Variants in PSMD3 observed in about 807,000 individuals in gnomAD.
PSMD3 encodes 26S proteasome non-ATPase regulatory subunit 3.
PSMD3 carries 5 observed loss-of-function variants against 62.8 expected under a neutral mutation model. The observed-to-expected ratio is 0.08, with a 90% CI of 0.04 to 0.17. PSMD3 has a LOEUF of 0.17. PSMD3 is among the 10% of genes least tolerant of loss of function. The probability of loss-of-function intolerance (pLI) is 1.00; values close to 1 mark genes in which losing one functional copy is unlikely to be tolerated. For synonymous variants in PSMD3, 265 were observed against 283.9 expected, an observed-to-expected ratio of 0.93 and a Z score of 0.67; for missense variants, 524 against 713.6, an observed-to-expected ratio of 0.73 and a Z score of 3.03.
In PSMD3 at chr17:39,990,090, C is replaced by T. The variant is rs2067649961; in HGVS notation, c.878-4C>T. 6.2e-7 allele frequency: 1 copy of T among 1,613,914 alleles called. No homozygotes were observed. On this transcript the variant is annotated splice_region_variant and splice_polypyrimidine_tract_variant and intron_variant, in intron 5 of 11. Coordinates refer to ENST00000264639, the MANE Select transcript of PSMD3 (RefSeq NM_002809.4). ...TGACCAACTCTCCTCTCCTCCACTC[C>T]CAGGGCGAATCAAAGCCATCCAGCT...
chr17:39,989,589 C>A, intron 4 of PSMD3, 150 bp from the exon 5 acceptor site: 1 of 761,612 alleles, frequency 1.3e-6, no homozygotes, highest in Non-Finnish European at 2.1e-6. Flanking sequence ...TGCTGTACAC[C>A]TTAGGCACTC....
Position 39,981,202 on chromosome 17 carries a change from C to T in PSMD3, c.220+12C>T. The T allele has an allele frequency of 6.5e-7, 1 of 1,549,726 alleles. No homozygotes were observed. Among genetic ancestry groups the T allele is most frequent in the Non-Finnish European group, 8.7e-7 (1 of 1,146,616 alleles). On this transcript the variant is annotated intron_variant, in intron 1 of 11. Transcript: ENST00000264639. ...AGTCACCTTGGAGGGTACGGCAGCC[C>T]AGGCCGGGAACGTGCCGCGATCGCG...
chr17:39,984,248 G>T (rs1372160236), intron 1 of PSMD3, 46 bp from the exon 2 acceptor site: 1 of 1,389,328 alleles, frequency 7.2e-7, no homozygotes, highest in South Asian at 1.3e-5. Flanking sequence ...AGTGGTGGGG[G>T]ACTAGGAGTG....
In PSMD3 at chr17:39,995,264, T is replaced by C. The variant is rs775210346; in HGVS notation, c.1185T>C (p.Ile395=). The change falls in exon 8 of 12, where the codon ATT becomes ATC. Residue 395 remains isoleucine, a synonymous_variant. Transcript: ENST00000264639. The surrounding 1 kb of genome is among the most constrained non-coding windows in gnomAD (Gnocchi z 4.1). ...KFQADGTYTL[I]IRLRHNVIKT... ...AAGCAGATGGGACCTACACCCTAAT[T>C]ATCCGGCTGCGGCACAACGTGATTA... The C allele has an allele frequency of 1.2e-6, 2 of 1,614,136 alleles. No homozygotes were observed. Among genetic ancestry groups the C allele is most frequent in the Non-Finnish European group, 1.7e-6 (2 of 1,180,022 alleles).
rs766847219 is a variant in PSMD3, at chr17:39,981,138, G to A, written c.168G>A (p.Ala56=). The change falls in exon 1 of 12, where the codon GCG becomes GCA. Residue 56 remains alanine, a synonymous_variant. Coordinates refer to ENST00000264639, the MANE Select transcript of PSMD3 (RefSeq NM_002809.4). The part of the protein sequence containing the change: ...GSTGEADGKT[A]AAAAEHSQRE... The stretch of plus-strand genomic sequence containing the variant: ...CGGGGGAGGCAGACGGCAAGACGGC[G>A]GCGGCAGCGGCTGAGCACTCCCAGC... The A allele has an allele frequency of 1.3e-6, 2 of 1,550,556 alleles. No homozygotes were observed. The highest frequency in any genetic ancestry group is 2.4e-5 in the South Asian group (2 of 84,048).
chr17:39,981,661 C>T (rs1380772097), intron 1 of PSMD3, among the ~76,000 whole-genome samples: 1 of 152,178 alleles, frequency 6.6e-6, no homozygotes, highest in African/African-American at 2.4e-5. Flanking sequence ...GCCTTTAGCA[C>T]ACTCCCCCGA....
Position 39,981,166 on chromosome 17 carries a change from G to C in PSMD3, c.196G>C (p.Glu66Gln). 1 of 1,550,932 alleles carries C rather than the reference G, an allele frequency of 6.4e-7. No individual in the cohort carries two copies. The highest frequency in any genetic ancestry group is 8.7e-7 in the Non-Finnish European group (1 of 1,146,866). The change falls in exon 1 of 12, where the codon GAG (glutamate) becomes CAG (glutamine). Residue 66 changes from glutamate (E) to glutamine (Q), a missense_variant. Glu to Gln is a conservative substitution (Grantham distance 29). This residue lies in a region of PSMD3 where 396 missense variants were observed against 475.8 expected (regional missense o/e 0.83). Coordinates refer to ENST00000264639, the MANE Select transcript of PSMD3 (RefSeq NM_002809.4). ...AAAAAEHSQR[E>Q]LDTVTLEDIK... ...GGCAGCGGCTGAGCACTCCCAGCGAGAGCTGGACACAGTCACCTTGGAGGG... is the reference window on the plus strand; with the variant it reads ...GGCAGCGGCTGAGCACTCCCAGCGACAGCTGGACACAGTCACCTTGGAGGG...
chr17:39,997,188 C>T, intron 10 of PSMD3, 142 bp from the exon 11 acceptor site: 1 of 729,572 alleles, frequency 1.4e-6, no homozygotes, highest in East Asian at 2.5e-5. Flanking sequence ...TGATGCCTAG[C>T]CCCCCACTAG....
chr17:39,989,508 G>C (rs1382656889), intron 4 of PSMD3, among the ~76,000 whole-genome samples: 1 of 152,176 alleles, frequency 6.6e-6, no homozygotes, highest in Non-Finnish European at 1.5e-5. Context: ...TCTTTCTCAT[G>C]ACCATTGCCT....
chr17:39,992,427 T>C (rs946382471), intron 6 of PSMD3, among the ~76,000 whole-genome samples: 4 of 152,134 alleles, frequency 2.6e-5, no homozygotes, highest in African/African-American at 9.7e-5. Flanking sequence ...CAGAATCACC[T>C]GGGGCTCTGA....
At chr17:39,997,235 G>T (rs919296410) in intron 10 of PSMD3, 95 bp from the exon 11 acceptor site, 59 of 1,235,208 alleles carry the variant, frequency 4.8e-5, no homozygotes, top group Non-Finnish European at 6.5e-5. Flanking sequence ...CCTGCCTGGT[G>T]TCTAGCTCAC....
chr17:39,986,991 CAGAA>C (rs1980541560), intron 3 of PSMD3, among the ~76,000 whole-genome samples: 1 of 152,094 alleles, frequency 6.6e-6, no homozygotes, highest in South Asian at 2.1e-4. Flanking sequence ...CATTTGGAGA[CAGAA>C]AGACCTGGGT....
rs547713552 is a variant in PSMD3, at chr17:39,997,874, G to T, written c.*293G>T. On this transcript the variant is annotated 3_prime_UTR_variant, in exon 12 of 12. Coordinates refer to ENST00000264639, the MANE Select transcript of PSMD3 (RefSeq NM_002809.4). The stretch of plus-strand genomic sequence containing the variant: ...AGTTCTGTGTACTCCTTTAGGGAGT[G>T]GGGGACTAGAACTGGGATGTCTTGG... 3.6e-5 allele frequency: 17 copies of T among 470,274 alleles called. No homozygotes were observed. Among genetic ancestry groups the T allele is most frequent in the African/African-American group, 3.3e-4 (17 of 51,510 alleles). 29.1% of individuals were successfully genotyped at this position (470,274 alleles called of 1,614,324 possible).
Position 39,986,587 on chromosome 17 carries a change from G to C in PSMD3, c.424G>C (p.Glu142Gln). The C allele has an allele frequency of 6.2e-7, 1 of 1,614,172 alleles. No individual in the cohort carries two copies. Among genetic ancestry groups the C allele is most frequent in the Non-Finnish European group, 8.5e-7 (1 of 1,180,040 alleles). The change falls in exon 3 of 12, where the codon GAG becomes CAG. Residue 142 changes from glutamate to glutamine, a missense_variant. This residue lies in a region of PSMD3 where 396 missense variants were observed against 475.8 expected (regional missense o/e 0.83). Coordinates refer to ENST00000264639, the MANE Select transcript of PSMD3 (RefSeq NM_002809.4). ...TGTCCTCTCCTAGCCCATGGACACA[G>C]AGGCTGATTTACAGTTCCGTCCCCG... ...LPFLEEPMDT[E>Q]ADLQFRPRTG...
In PSMD3 at chr17:39,995,374, T is replaced by G; in HGVS notation, c.1217-50T>G. 3 of 1,612,882 alleles carry G rather than the reference T, an allele frequency of 1.9e-6. No individual in the cohort carries two copies. The highest frequency in any genetic ancestry group is 2.5e-6 in the Non-Finnish European group (3 of 1,178,994). On this transcript the variant is annotated intron_variant, in intron 8 of 11. Coordinates refer to ENST00000264639, the MANE Select transcript of PSMD3 (RefSeq NM_002809.4). The surrounding 1 kb of genome is among the most constrained non-coding windows in gnomAD (Gnocchi z 4.1). ...AACCTAGTGGGTATCCTTGGGCAAG[T>G]GAAGGGTCTGTGTCCACTCTGCCCA... is the stretch of plus-strand genomic sequence containing the variant.
At chr17:39,982,984 G>C (rs1720366762) in intron 1 of PSMD3, among the ~76,000 whole-genome samples, 1 of 152,030 alleles carries the variant, frequency 6.6e-6, no homozygotes, top group Admixed American at 6.6e-5. Context: ...CAGAAAAACT[G>C]TGCTGATTTA....
At position 39,997,714 on chromosome 17, in the gene PSMD3, T is replaced by C. The variant is rs1980820268; in HGVS notation, c.*133T>C. 20 of 1,084,382 alleles carry C rather than the reference T, an allele frequency of 1.8e-5. No individual in the cohort carries two copies. In the South Asian group the frequency reaches 2.9e-4, roughly 16 times the overall value. 67.2% of individuals were successfully genotyped at this position (1,084,382 alleles called of 1,614,324 possible). A position where few individuals can be genotyped will look rare whatever the true frequency, so the allele number is the denominator to read the frequency against. ...GCATTCGTGCAGGGGGTGGGGGTGC[T>C]GGGAGCCAGCCACCCTGACCTCCCC... On this transcript the variant is annotated 3_prime_UTR_variant, in exon 12 of 12. Coordinates refer to ENST00000264639, the MANE Select transcript of PSMD3 (RefSeq NM_002809.4).
At chr17:39,994,928 CTG>C in intron 6 of PSMD3, 24 bp from the exon 7 acceptor site, 2 of 1,603,918 alleles carry the variant, frequency 1.2e-6, no homozygotes, top group Non-Finnish European at 1.7e-6. Context: ...TCCCTGCCCA[CTG>C]TGTTCCCCTG....
intron 4 of PSMD3, 113 bp downstream of exon 4, chr17:39,988,932 A>G (rs998762448): frequency 5.7e-6 from 8 of 1,413,536 alleles, no homozygotes; most frequent in African/African-American, 5.7e-5. Context: ...GTAAGCAGGG[A>G]AGAGGGGCAG....
Sources: allele counts gnomAD v4.1 joint callset (sites outside exome capture counted in the v4.1 genomes callset), GRCh38; gene constraint gnomAD v4.1.1; regional missense constraint gnomAD v4.1.1; non-coding constraint Gnocchi (gnomAD v3.1); transcripts MANE v1.5; gene names NCBI Gene and HGNC (gene_info 2026-07-23, HGNC 2026-07-21).